OR4F15: variants seen among roughly 807,000 people sequenced by gnomAD.
OR4F15 encodes the protein olfactory receptor 4F15.
A neutral mutation model predicts 11.9 loss-of-function variants in OR4F15; 7 were observed. That is an observed-to-expected ratio of 0.59 (90% CI 0.33 to 1.10). The LOEUF (loss-of-function observed/expected upper bound fraction) is 1.10. Ranked by LOEUF, OR4F15 falls within the 50% of genes least tolerant of loss-of-function variation. OR4F15 has a pLI of 0.03. For missense variants in OR4F15, 445 were observed against 377.5 expected, an observed-to-expected ratio of 1.18 and a Z score of -1.48; for synonymous variants, 151 against 134.6, an observed-to-expected ratio of 1.12 and a Z score of -0.84.
Position 101,813,696 on chromosome 15 carries a change from AG to A in OR4F15, c.-38+1425del, listed in dbSNP as rs375584037. 7.9e-3 allele frequency among the ~76,000 whole-genome samples: 1,208 copies of A among 152,276 alleles called. 11 individuals are homozygous for A. The highest frequency in any genetic ancestry group is 0.01 in the Non-Finnish European group (692 of 68,022). On this transcript the variant is annotated intron_variant, in intron 1 of 1. Coordinates refer to ENST00000332238, the MANE Select transcript of OR4F15 (RefSeq NM_001001674.2). ...ATTGAGAATAATGAACATCTTTTTA[AG>A]AAAATTTTAAAATGTAGTGATCATA...
At chr15:101,813,338 A>T (rs759986406) in intron 1 of OR4F15, among the ~76,000 whole-genome samples, 5 of 152,052 alleles carry the variant, frequency 3.3e-5, no homozygotes, top group Non-Finnish European at 7.4e-5. Context: ...GTGAAACCTC[A>T]TCTCTATTAA....
chr15:101,812,808 A>G (rs1902928325), intron 1 of OR4F15, among the ~76,000 whole-genome samples: 1 of 152,228 alleles, frequency 6.6e-6, no homozygotes, highest in Non-Finnish European at 1.5e-5. Flanking sequence ...TGATTGAAGA[A>G]TGGAGGAAAA....
rs1214377962 is a variant in OR4F15 at position 101,818,925 on chromosome 15, G to C, written c.739G>C (p.Val247Leu). The part of the protein sequence containing the change: ...LSTLSAHVTV[V>L]ILFFGPLMFF... Reference sequence around the variant, plus strand: ...TACCCTGTCAGCTCATGTCACTGTGGTCATCTTGTTCTTTGGGCCACTGAT... The same window carrying C: ...TACCCTGTCAGCTCATGTCACTGTGCTCATCTTGTTCTTTGGGCCACTGAT... Residue 247 changes from valine (V) to leucine (L), a missense_variant, in exon 2 of 2, where the codon GTC becomes CTC. Val to Leu is a conservative substitution (Grantham distance 32, BLOSUM62 1). Transcript: ENST00000332238. 1 of 1,614,090 alleles carries C rather than the reference G, an allele frequency of 6.2e-7. No individual in the cohort carries two copies. The highest frequency in any genetic ancestry group is 1.1e-5 in the South Asian group (1 of 91,074).
chr15:101,817,472 C>T (rs373995583), intron 1 of OR4F15, among the ~76,000 whole-genome samples: 42 of 152,216 alleles, frequency 2.8e-4, no homozygotes, highest in African/African-American at 8.9e-4. Flanking sequence ...GGATCAGTTA[C>T]GGCTTCTATA....
Position 101,818,657 on chromosome 15 carries a change from G to A in OR4F15, c.471G>A (p.Leu157=), listed in dbSNP as rs777648897. ...TSSIIGLIHS[L]VQLVFVVDLP... ...CTATCATTGGCCTTATCCACTCATTGGTCCAATTAGTTTTTGTGGTAGATT... is the reference window on the plus strand; with the variant it reads ...CTATCATTGGCCTTATCCACTCATTAGTCCAATTAGTTTTTGTGGTAGATT... Residue 157 remains leucine, a synonymous_variant, in exon 2 of 2, where the codon TTG becomes TTA. Transcript: ENST00000332238. The A allele has an allele frequency of 5.4e-5, 87 of 1,613,836 alleles. 1 individual carries two copies. The South Asian group carries it at 9.2e-4, about 17-fold the overall frequency.
chr15:101,815,676 C>T (rs563392266), intron 1 of OR4F15, among the ~76,000 whole-genome samples: 15 of 152,224 alleles, frequency 9.9e-5, no homozygotes, highest in Non-Finnish European at 2.1e-4. Flanking sequence ...ATGGATTCCA[C>T]AAAAGCAAGA....
Position 101,818,641 on chromosome 15 carries a change from G to A in OR4F15, c.455G>A (p.Gly152Asp). The change falls in exon 2 of 2, where the codon GGC becomes GAC. Residue 152 changes from glycine (G) to aspartate (D), a missense_variant. By Grantham distance (94) the Gly-to-Asp change is moderately conservative. Coordinates refer to ENST00000332238, the MANE Select transcript of OR4F15 (RefSeq NM_001001674.2). ...TTTTTAGCCACTTCCTCTATCATTG[G>A]CCTTATCCACTCATTGGTCCAATTA... ...LYFLATSSII[G>D]LIHSLVQLVF... 6.2e-7 allele frequency: 1 copy of A among 1,614,040 alleles called. No homozygotes were observed. Among genetic ancestry groups the A allele is most frequent in the Non-Finnish European group, 8.5e-7 (1 of 1,179,974 alleles).
intron 1 of OR4F15, among the ~76,000 whole-genome samples, chr15:101,813,965 T>A (rs1902947172): frequency 6.6e-6 from 1 of 152,166 alleles, no homozygotes; most frequent in Non-Finnish European, 1.5e-5. Flanking sequence ...AGAGAACACA[T>A]TCTTTCCATG....
intron 1 of OR4F15, among the ~76,000 whole-genome samples, chr15:101,814,035 G>T (rs1902948293): frequency 6.6e-6 from 1 of 152,176 alleles, no homozygotes; most frequent in Admixed American, 6.6e-5. Context: ...CATCCTGGAA[G>T]CCATTCAGCG....
rs1453301954 is a variant in OR4F15 at position 101,818,536 on chromosome 15, C to T, written c.350C>T (p.Ala117Val). 3 of 1,613,872 alleles carry T rather than the reference C, an allele frequency of 1.9e-6. No homozygotes were observed. In the African/African-American group the frequency reaches 4.0e-5, roughly 22 times the overall value. Residue 117 changes from alanine to valine, a missense_variant, in exon 2 of 2, where the codon GCC (alanine) becomes GTC (valine). Ala to Val is a moderately conservative substitution (Grantham distance 64). Transcript: ENST00000332238. ...LGGTEMVLLI[A>V]MAFDRYMAIC... is the part of the protein sequence containing the mutation. The stretch of plus-strand genomic sequence containing the variant: ...GGCACTGAGATGGTGCTGCTCATAG[C>T]CATGGCCTTTGACAGATACATGGCC...
intron 1 of OR4F15, among the ~76,000 whole-genome samples, chr15:101,813,897 G>T (rs1902946202): frequency 6.6e-6 from 1 of 152,146 alleles, no homozygotes; most frequent in Non-Finnish European, 1.5e-5. Flanking sequence ...GAGAGCAATA[G>T]CCAGGCCAGA....
At chr15:101,812,929 G>A (rs1352529603) in intron 1 of OR4F15, among the ~76,000 whole-genome samples, 2 of 152,178 alleles carry the variant, frequency 1.3e-5, no homozygotes, top group East Asian at 1.9e-4. Context: ...ATAATGAGAA[G>A]TTTAGGTAGT....
chr15:101,813,299 A>C (rs1178739586), intron 1 of OR4F15, among the ~76,000 whole-genome samples: 1 of 152,180 alleles, frequency 6.6e-6, no homozygotes, highest in Admixed American at 6.5e-5. Flanking sequence ...AGTTGAGTGC[A>C]GGAGTTCGAG....
rs1030753307 is a variant in OR4F15, at chr15:101,819,682, T to A, written c.*557T>A. Reference sequence around the variant, plus strand: ...GCGCCCATCACAACCCCTGGCTAATTTTTGTATTTTTAGTAGAGATGGAGT... The same window carrying A: ...GCGCCCATCACAACCCCTGGCTAATATTTGTATTTTTAGTAGAGATGGAGT... On this transcript the variant is annotated 3_prime_UTR_variant, in exon 2 of 2. Transcript: ENST00000332238. 6.6e-6 allele frequency: 1 copy of A among 152,456 alleles called. No individual in the cohort carries two copies. Among genetic ancestry groups the A allele is most frequent in the African/African-American group, 2.4e-5 (1 of 41,396 alleles). The allele number at this position is 152,456 out of a possible 1,614,324, so 9.4% of individuals were successfully genotyped here.
In OR4F15 at chr15:101,814,745, T is replaced by TA. The variant is rs558145209; in HGVS notation, c.-38+2480dup. ...TCTGATTTAAAAAATGTATTTAACT[T>TA]AAAAAAATCCACCTTGCCCTCTGTG... On this transcript the variant is annotated intron_variant, in intron 1 of 1. Transcript: ENST00000332238. 4.8e-4 allele frequency among the ~76,000 whole-genome samples: 73 copies of TA among 152,270 alleles called. 1 individual carries two copies. Among genetic ancestry groups the TA allele is most frequent in the Middle Eastern group, 3.4e-3 (1 of 294 alleles).
intron 1 of OR4F15, among the ~76,000 whole-genome samples, chr15:101,817,890 T>C (rs893349838): frequency 2.0e-5 from 3 of 152,110 alleles, no homozygotes; most frequent in Non-Finnish European, 4.4e-5. Context: ...AAGGATCAAA[T>C]AGGAAATATT....
intron 1 of OR4F15, among the ~76,000 whole-genome samples, chr15:101,813,546 A>G (rs986685679): frequency 1.3e-5 from 2 of 151,398 alleles, no homozygotes; most frequent in Non-Finnish European, 2.9e-5. Flanking sequence ...CCTGTTCATA[A>G]TAGCTAAGAA....
chr15:101,817,346 T>A (rs1165364281), intron 1 of OR4F15, among the ~76,000 whole-genome samples: 1 of 152,206 alleles, frequency 6.6e-6, no homozygotes, highest in Non-Finnish European at 1.5e-5. Context: ...GACTCCAGTG[T>A]CATTCTTCAG....
rs769610508 is a variant in OR4F15 at position 101,818,391 on chromosome 15, A to G, written c.205A>G (p.Ile69Val). 2 of 1,614,094 alleles carry G rather than the reference A, an allele frequency of 1.2e-6. No individual in the cohort carries two copies. The highest frequency in any genetic ancestry group is 2.2e-5 in the East Asian group (1 of 44,876). The change falls in exon 2 of 2, where the codon ATT becomes GTT. Residue 69 changes from isoleucine (I) to valine (V), a missense_variant. Transcript: ENST00000332238. ...TTTCCTCCTGGCTAACCTCTCAATC[A>G]TTGATATGGCATTTTGCTCAATTAC... ...MYFLLANLSI[I>V]DMAFCSITAP... is the part of the protein sequence containing the mutation.
Sources: gnomAD v4.1 joint callset for allele counts (sites outside exome capture counted in the v4.1 genomes callset) on GRCh38, gnomAD v4.1.1 for gene constraint, MANE v1.5 for transcripts, NCBI Gene and HGNC (gene_info 2026-07-23, HGNC 2026-07-21) for gene names.